The following PDE1C variants were observed in gnomAD, a reference collection of about 807,000 sequenced individuals.
The protein encoded by PDE1C is phosphodiesterase 1C, also known as dual specificity calcium/calmodulin-dependent 3',5'-cyclic nucleotide phosphodiesterase 1C.
In PDE1C, 62 loss-of-function variants were observed where a neutral mutation model predicts 93.1. The observed-to-expected ratio is 0.67, with a 90% CI of 0.54 to 0.82. The LOEUF is 0.82. Ranked by LOEUF, PDE1C falls within the 40% of genes least tolerant of loss-of-function variation. The probability of loss-of-function intolerance (pLI) is 0.00; values close to 1 mark genes in which losing one functional copy is unlikely to be tolerated. For synonymous variants in PDE1C, 325 were observed against 310.1 expected, an observed-to-expected ratio of 1.05 and a Z score of -0.50; for missense variants, 742 against 884.6, an observed-to-expected ratio of 0.84 and a Z score of 2.04.
intron 1 of PDE1C, among the ~76,000 whole-genome samples, chr7:32,264,001 C>T (rs1332423493): frequency 6.6e-6 from 1 of 152,156 alleles, no homozygotes. Context: ...TTGCAAGAGT[C>T]TTTAAGGCCA....
chr7:32,272,718 C>T (rs1330776290), intron 1 of PDE1C, among the ~76,000 whole-genome samples: 1 of 152,142 alleles, frequency 6.6e-6, no homozygotes, highest in Non-Finnish European at 1.5e-5. Flanking sequence ...TAGTGACACC[C>T]CCTTCCACTA....
intron 2 of PDE1C, among the ~76,000 whole-genome samples, chr7:32,205,066 A>T (rs1010922679): frequency 3.9e-5 from 6 of 152,220 alleles, no homozygotes; most frequent in Admixed American, 2.0e-4. Flanking sequence ...AGCCACACTT[A>T]TTGAGCGCTT....
chr7:32,380,404 A>ATTT lies in PDE1C; in HGVS notation c.310+47415_310+47417dup, dbSNP rs55965828. ...AGGCGCATGCCACCATGCCCGGCTAATTTTTTTTTTTTTTTGTATTTTTAG... is the reference window on the plus strand; with the variant it reads ...AGGCGCATGCCACCATGCCCGGCTAATTTTTTTTTTTTTTTTTTGTATTTTTAG... On this transcript the variant is annotated intron_variant, in intron 1 of 1. Transcript: ENST00000672256. 5.4e-3 allele frequency among the ~76,000 whole-genome samples: 738 copies of ATTT among 137,250 alleles called. 22 individuals are homozygous for ATTT. The highest frequency in any genetic ancestry group is 0.032 in the East Asian group (144 of 4,530). 90.0% of individuals were successfully genotyped at this position (137,250 alleles called of 152,430 possible).
intron 1 of PDE1C, among the ~76,000 whole-genome samples, chr7:32,239,874 G>T (rs1211006596): frequency 6.6e-6 from 1 of 152,178 alleles, no homozygotes; most frequent in Non-Finnish European, 1.5e-5. Flanking sequence ...ATTTGCTTCT[G>T]CCAAGGAAAT....
At chr7:31,806,126 A>G (rs1025040502) in intron 16 of PDE1C, among the ~76,000 whole-genome samples, 16 of 152,044 alleles carry the variant, frequency 1.1e-4, no homozygotes, top group Admixed American at 8.5e-4. Context: ...AGGATATTCA[A>G]TAAAGGAGAA....
At chr7:32,201,049 A>T (rs909345699) in intron 2 of PDE1C, among the ~76,000 whole-genome samples, 1 of 152,336 alleles carries the variant, frequency 6.6e-6, no homozygotes, top group African/African-American at 2.4e-5. Context: ...CACCACCCCC[A>T]TGCAGCATAG....
the PDE1C span, among the ~76,000 whole-genome samples, chr7:31,629,237 A>G: frequency 2.0e-5 from 3 of 152,210 alleles, no homozygotes; most frequent in African/African-American, 7.2e-5. Flanking sequence ...AGGAATATCT[A>G]CTAAGTATCT....
chr7:31,929,046 T>C (rs1271165100), intron 2 of PDE1C, among the ~76,000 whole-genome samples: 1 of 151,768 alleles, frequency 6.6e-6, no homozygotes, highest in Non-Finnish European at 1.5e-5. Context: ...ACCCATCTCA[T>C]GTGCAAAGAC....
chr7:31,681,396 GA>G, the PDE1C span, among the ~76,000 whole-genome samples: 1 of 150,616 alleles, frequency 6.6e-6, no homozygotes, highest in Non-Finnish European at 1.5e-5. Context: ...TGGATGGATG[GA>G]TGGATGGATG....
intron 9 of PDE1C, among the ~76,000 whole-genome samples, chr7:31,840,262 G>A (rs1426034582): frequency 6.6e-6 from 1 of 151,666 alleles, no homozygotes; most frequent in Non-Finnish European, 1.5e-5. Flanking sequence ...TATTCCATTT[G>A]TATACATTTT....
In PDE1C at chr7:32,169,953, GA is replaced by G. The variant is rs752735212; in HGVS notation, c.139del (p.Ser47LeufsTer38). The G allele has an allele frequency of 1.2e-6, 2 of 1,611,368 alleles. No homozygotes were observed. Among genetic ancestry groups the G allele is most frequent in the Non-Finnish European group, 1.7e-6 (2 of 1,178,992 alleles). ...GTTCCACAGACAGTTCTGTGACTTA[GA>G]CCCTGAGGCATGGGGAAAAGAGAGA... On this transcript the variant is annotated frameshift_variant and splice_region_variant, in exon 3 of 19. Transcript: ENST00000396193. LOFTEE classifies it high-confidence loss of function.
chr7:31,704,861 G>A, the PDE1C span, among the ~76,000 whole-genome samples: 4 of 152,090 alleles, frequency 2.6e-5, no homozygotes, highest in Non-Finnish European at 4.4e-5. Context: ...GAAAGCATGA[G>A]GGTCAGAAGG....
Position 32,391,515 on chromosome 7 carries a change from A to G in PDE1C, c.310+36307T>C, listed in dbSNP as rs142889520. On this transcript the variant is annotated intron_variant, in intron 1 of 1. Transcript: ENST00000672256. Reference sequence around the variant, plus strand: ...AAACAATTTAAGACATCTACAGAACATTCTATTGAACAACAACTAAGTACA... The same window carrying G: ...AAACAATTTAAGACATCTACAGAACGTTCTATTGAACAACAACTAAGTACA... Among the ~76,000 whole-genome samples the G allele has an allele frequency of 5.5e-3, 845 of 152,298 alleles. 8 individuals carry two copies. The highest frequency in any genetic ancestry group is 0.02 in the African/African-American group (817 of 41,560).
At chr7:31,946,430 C>A (rs1310963059) in intron 2 of PDE1C, among the ~76,000 whole-genome samples, 4 of 152,252 alleles carry the variant, frequency 2.6e-5, no homozygotes, top group East Asian at 3.9e-4. Context: ...GGGCATAAAA[C>A]CCCTCATGGC....
At chr7:31,750,835 C>G (rs1302004144), downstream of PDE1C, among the ~76,000 whole-genome samples, 1 of 152,176 alleles carries the variant, frequency 6.6e-6, no homozygotes, top group Non-Finnish European at 1.5e-5. Flanking sequence ...AGGTTCACAC[C>G]ATTCTCCTGC....
At position 32,023,945 on chromosome 7, in the gene PDE1C, C is replaced by T. The variant is rs183115478; in HGVS notation, c.128+27609G>A. On this transcript the variant is annotated intron_variant, in intron 2 of 17. Coordinates refer to ENST00000396191, the MANE Select transcript of PDE1C (RefSeq NM_001191057.4). ...CTATGGATAATATCAATGTTAATTC[C>T]TTGGTTTTGAGATTGTACCATAATC... Among the ~76,000 whole-genome samples the T allele has an allele frequency of 2.2e-3, 342 of 152,190 alleles. 14 individuals are homozygous for T. The highest frequency in any genetic ancestry group is 0.02 in the Admixed American group (300 of 15,268).
At chr7:32,205,805 A>C (rs1247775767) in intron 2 of PDE1C, among the ~76,000 whole-genome samples, 3 of 152,188 alleles carry the variant, frequency 2.0e-5, no homozygotes, top group Admixed American at 6.5e-5. Context: ...GCCACCTTTA[A>C]GAGCTGTAAC....
intron 1 of PDE1C, among the ~76,000 whole-genome samples, chr7:32,296,623 C>CAGAA (rs1211333730): frequency 1.3e-5 from 2 of 152,156 alleles, no homozygotes; most frequent in Non-Finnish European, 2.9e-5. Flanking sequence ...TAGACCAACT[C>CAGAA]TTCTAACAGA....
intron 11 of PDE1C, 146 bp from the exon 12 acceptor site, chr7:31,828,519 G>A (rs904631356): frequency 3.5e-6 from 2 of 578,364 alleles, no homozygotes; most frequent in African/African-American, 3.7e-5. Flanking sequence ...TATGGAGCCT[G>A]CTTCTCTACA....
Sources: gnomAD v4.1 joint callset for allele counts (sites outside exome capture counted in the v4.1 genomes callset) on GRCh38, gnomAD v4.1.1 for gene constraint, MANE v1.5 for transcripts, NCBI Gene and HGNC (gene_info 2026-07-23, HGNC 2026-07-21) for gene names.